PCDH11X: variants seen among roughly 807,000 people sequenced by gnomAD.
PCDH11X encodes protocadherin-11 X-linked.
Under a neutral mutation model 53.3 loss-of-function variants are expected in PCDH11X, and 18 were observed. The ratio of observed to expected loss-of-function variants is 0.34; its 90% CI spans 0.23 to 0.50. The LOEUF (loss-of-function observed/expected upper bound fraction) is 0.50, where lower values mean the gene tolerates loss of function less well. Among genes scored for constraint, PCDH11X ranks in the 20% least tolerant of loss-of-function variants. The pLI, the probability that PCDH11X is intolerant of heterozygous loss-of-function variation, is 0.98. For synonymous variants in PCDH11X, 279 were observed against 393.3 expected (o/e 0.71, Z 3.44); for missense variants, 570 against 1,032.4 (o/e 0.55, Z 6.14).
chrX:92,018,179 T>C (rs920497980), intron 6 of PCDH11X, among the ~76,000 whole-genome samples: 4 of 110,566 alleles, frequency 3.6e-5, no homozygotes, highest in Admixed American at 1.9e-4. Flanking sequence ...CTGAAACCAT[T>C]ATGTATTGGC....
intron 6 of PCDH11X, among the ~76,000 whole-genome samples, chrX:92,198,118 G>A (rs1001876637): frequency 1.8e-5 from 2 of 108,803 alleles, no homozygotes; most frequent in Non-Finnish European, 1.9e-5. Flanking sequence ...ACCAGGAGCC[G>A]GGTGAGATGG....
chrX:92,308,430 G>A (rs4021177), intron 8 of PCDH11X, among the ~76,000 whole-genome samples: 1 of 111,529 alleles, frequency 9.0e-6, no homozygotes, highest in South Asian at 3.7e-4. Flanking sequence ...AGTGGTGTTA[G>A]AAATCTGGAT....
chrX:92,479,224 A>C (rs1051029561), intron 10 of PCDH11X, among the ~76,000 whole-genome samples: 14 of 106,020 alleles, frequency 1.3e-4, no homozygotes, highest in African/African-American at 4.5e-4. Flanking sequence ...ATTTTTTTCT[A>C]TTCCTTTATT....
chrX:91,816,137 C>T (rs1018632021), intron 4 of PCDH11X, among the ~76,000 whole-genome samples: 1 of 110,145 alleles, frequency 9.1e-6, no homozygotes, highest in Non-Finnish European at 1.9e-5. Context: ...CCACACCCCC[C>T]CAAAAAAAAT....
chrX:92,448,902 A>T (rs1341944215), intron 9 of PCDH11X, among the ~76,000 whole-genome samples: 4 of 111,819 alleles, frequency 3.6e-5, no homozygotes. Context: ...ACAGATTTTC[A>T]TATTTTTTCA....
chrX:91,793,510 G>A (rs1270460656), intron 1 of PCDH11X, among the ~76,000 whole-genome samples: 1 of 110,288 alleles, frequency 9.1e-6, no homozygotes, highest in African/African-American at 3.3e-5. Flanking sequence ...CAATTATACA[G>A]TAGTCAATAG....
chrX:92,039,783 G>A (rs1285910027), intron 6 of PCDH11X, among the ~76,000 whole-genome samples: 1 of 111,128 alleles, frequency 9.0e-6, no homozygotes, highest in Admixed American at 9.6e-5. Context: ...GAAGCAGTAG[G>A]AGTCTTTCAT....
intron 6 of PCDH11X, among the ~76,000 whole-genome samples, chrX:92,046,574 GT>G (rs2063292075): frequency 9.0e-6 from 1 of 110,869 alleles, no homozygotes; most frequent in Non-Finnish European, 1.9e-5. Flanking sequence ...AATTCTTTTT[GT>G]TTTTTGCTCC....
intron 1 of PCDH11X, among the ~76,000 whole-genome samples, chrX:91,793,554 C>A (rs1439036450): frequency 1.8e-5 from 2 of 110,411 alleles, no homozygotes; most frequent in African/African-American, 3.3e-5. Context: ...TCAGATTGAA[C>A]AAGAAAGGAA....
chrX:91,992,426 T>G (rs1461931986), intron 6 of PCDH11X, among the ~76,000 whole-genome samples: 3 of 97,658 alleles, frequency 3.1e-5, no homozygotes, highest in Non-Finnish European at 4.1e-5. Flanking sequence ...TGTGAACACT[T>G]CTTTGCTATT....
chrX:92,142,688 T>C (rs759607382), intron 6 of PCDH11X, among the ~76,000 whole-genome samples: 1 of 110,445 alleles, frequency 9.1e-6, no homozygotes, highest in Non-Finnish European at 1.9e-5. Flanking sequence ...CCATTCAAAG[T>C]ATTTTATTCA....
chrX:92,374,298 C>T (rs1396089882), intron 8 of PCDH11X, among the ~76,000 whole-genome samples: 4 of 100,502 alleles, frequency 4.0e-5, no homozygotes, highest in Non-Finnish European at 6.0e-5. Flanking sequence ...AAAACATTTA[C>T]CAAATTTTAA....
intron 10 of PCDH11X, among the ~76,000 whole-genome samples, chrX:92,531,773 G>GA (rs1367451545): frequency 9.0e-6 from 1 of 110,546 alleles, no homozygotes; most frequent in Non-Finnish European, 1.9e-5. Context: ...ATATTTCAGA[G>GA]AAAAAATCAT....
chrX:92,572,819 G>A (rs905469393), intron 10 of PCDH11X, among the ~76,000 whole-genome samples: 1 of 98,790 alleles, frequency 1.0e-5, no homozygotes, highest in African/African-American at 3.8e-5. Flanking sequence ...GGGAGGCAGA[G>A]GTTTCAATGA....
intron 6 of PCDH11X, among the ~76,000 whole-genome samples, chrX:92,014,167 T>G (rs1335610943): frequency 6.8e-5 from 7 of 102,546 alleles, no homozygotes; most frequent in Admixed American, 3.2e-4. Flanking sequence ...AATCTACAAA[T>G]AACTCAAACA....
intron 7 of PCDH11X, among the ~76,000 whole-genome samples, chrX:92,216,558 G>C (rs1217198382): frequency 9.4e-6 from 1 of 106,444 alleles, no homozygotes; most frequent in Non-Finnish European, 1.9e-5. Context: ...TATGTGAAAA[G>C]ACCAAATCTA....
chrX:92,198,341 G>T (rs1228106890), intron 6 of PCDH11X, among the ~76,000 whole-genome samples: 3 of 100,704 alleles, frequency 3.0e-5, no homozygotes, highest in African/African-American at 7.2e-5. Flanking sequence ...ATTCTGGGAG[G>T]TTGAGGCTGC....
At chrX:92,601,521 A>G (rs1380071931) in intron 10 of PCDH11X, among the ~76,000 whole-genome samples, 6 of 106,544 alleles carry the variant, frequency 5.6e-5, no homozygotes, top group African/African-American at 1.8e-4. Flanking sequence ...AAAAAATTAA[A>G]CATAAAATTA....
intron 8 of PCDH11X, among the ~76,000 whole-genome samples, chrX:92,369,219 G>A (rs1295050176): frequency 9.2e-6 from 1 of 108,178 alleles, no homozygotes; most frequent in Non-Finnish European, 1.9e-5. Context: ...CCTGCCCAGT[G>A]ACGAGGAATC....
Sources: allele counts gnomAD v4.1 joint callset (sites outside exome capture counted in the v4.1 genomes callset), GRCh38; gene constraint gnomAD v4.1.1; transcripts MANE v1.5; gene names NCBI Gene and HGNC (gene_info 2026-07-23, HGNC 2026-07-21).